The following PCDHGA1 variants were observed in gnomAD, a reference collection of about 807,000 sequenced individuals.
PCDHGA1 encodes protocadherin gamma subfamily A, 1.
In PCDHGA1, 32 loss-of-function variants were observed where a neutral mutation model predicts 58.0. The observed-to-expected ratio is 0.55, with a 90% CI of 0.42 to 0.74. The LOEUF is 0.74. Ranked by LOEUF, PCDHGA1 falls within the 30% of genes least tolerant of loss-of-function variation. PCDHGA1 has a pLI of 0.00. For missense variants in PCDHGA1, 1,205 were observed against 1,182.3 expected (o/e 1.02, Z -0.28); for synonymous variants, 498 against 501.1 (o/e 0.99, Z 0.08).
intron 1 of PCDHGA1, chr5:141,341,538 G>C (rs1757066708): frequency 6.8e-7 from 1 of 1,476,322 alleles, no homozygotes. Flanking sequence ...ATTATTTCTT[G>C]GTAGGTCTTA....
At chr5:141,398,867 A>G (rs375842913) in intron 1 of PCDHGA1, 18 of 1,613,862 alleles carry the variant, frequency 1.1e-5, no homozygotes, top group Non-Finnish European at 1.4e-5. Context: ...CGAGACGTGT[A>G]CAGAGTCAGC....
At chr5:141,502,499 C>A (rs552402476) in intron 2 of PCDHGA1, among the ~76,000 whole-genome samples, 12 of 152,122 alleles carry the variant, frequency 7.9e-5, no homozygotes, top group Non-Finnish European at 2.9e-5. Flanking sequence ...CATCTAACGT[C>A]GGCCTGTCCC....
chr5:141,486,337 C>T lies in PCDHGA1; in HGVS notation c.2422-8470C>T, dbSNP rs116799150. On this transcript the variant is annotated intron_variant, in intron 1 of 3. Coordinates refer to ENST00000517417, the MANE Select transcript of PCDHGA1 (RefSeq NM_018912.3). The surrounding 1 kb of genome is among the most constrained non-coding windows in gnomAD (Gnocchi z 5.0). ...GGTCAAACGGAGATGTGAGCCTCCG[C>T]ATTCCTGACCACTTGCCATTTGCCC... 1 of 1,614,076 alleles carries T rather than the reference C, an allele frequency of 6.2e-7. No homozygotes were observed. Among genetic ancestry groups the T allele is most frequent in the Non-Finnish European group, 8.5e-7 (1 of 1,179,966 alleles).
chr5:141,426,858 T>G (rs898486771), intron 1 of PCDHGA1: 13 of 456,574 alleles, frequency 2.8e-5, no homozygotes, highest in African/African-American at 8.0e-5. Context: ...CGCTCCAGAA[T>G]TAGTGCTGGA....
chr5:141,431,511 T>G lies in PCDHGA1; in HGVS notation c.2422-63296T>G, dbSNP rs1234369765. 6.2e-7 allele frequency: 1 copy of G among 1,614,018 alleles called. No individual in the cohort carries two copies. On this transcript the variant is annotated intron_variant, in intron 1 of 3. Transcript: ENST00000517417. The surrounding 1 kb of genome is among the most constrained non-coding windows in gnomAD (Gnocchi z 4.8). ...GCTCAGCCCGAGTACCGCGCGAGCGTTCCGGAGAATCTGGCCTTGGGCACG... is the reference window on the plus strand; with the variant it reads ...GCTCAGCCCGAGTACCGCGCGAGCGGTCCGGAGAATCTGGCCTTGGGCACG...
chr5:141,394,826 C>G, intron 1 of PCDHGA1: 1 of 1,613,882 alleles, frequency 6.2e-7, no homozygotes, highest in Non-Finnish European at 8.5e-7. Context: ...TCCCCGAAGT[C>G]CTGACCGAGT....
intron 1 of PCDHGA1, chr5:141,374,738 G>C (rs1454843423): frequency 4.3e-6 from 7 of 1,611,282 alleles, no homozygotes; most frequent in East Asian, 2.2e-5. Flanking sequence ...GGATGGCGGC[G>C]ACCCTGTCCG....
At chr5:141,365,829 C>A in intron 1 of PCDHGA1, 1 of 1,613,964 alleles carries the variant, frequency 6.2e-7, no homozygotes, top group Non-Finnish European at 8.5e-7. Flanking sequence ...CAGGGGGCGC[C>A]CTTGTCCTCC....
rs1335438500 is a variant in PCDHGA1 at position 141,355,543 on chromosome 5, A to T, written c.2421+22438A>T. On this transcript the variant is annotated intron_variant, in intron 1 of 3. Coordinates refer to ENST00000517417, the MANE Select transcript of PCDHGA1 (RefSeq NM_018912.3). ...GGAGATTCTTCTAGAAGATACAGTG[A>T]AGATTTTGCGGGTAGAGGTGGAAAT... is the stretch of plus-strand genomic sequence containing the variant. 5 of 1,613,942 alleles carry T rather than the reference A, an allele frequency of 3.1e-6. No individual in the cohort carries two copies. The East Asian group carries it at 6.7e-5, about 22-fold the overall frequency.
chr5:141,356,851 T>C, intron 1 of PCDHGA1: 5 of 1,614,208 alleles, frequency 3.1e-6, no homozygotes, highest in Non-Finnish European at 4.2e-6. Context: ...ACTGAGCCTC[T>C]TTGTGCTGGA....
At chr5:141,338,989 G>A in intron 1 of PCDHGA1, 1 of 1,544,254 alleles carries the variant, frequency 6.5e-7, no homozygotes, top group Non-Finnish European at 8.7e-7. Context: ...CTCTGCAAAA[G>A]TTGCCACACT....
intron 1 of PCDHGA1, chr5:141,339,937 G>C (rs139200458): frequency 1.2e-6 from 2 of 1,614,166 alleles, no homozygotes; most frequent in Non-Finnish European, 1.7e-6. Flanking sequence ...TTGAAGCTCA[G>C]GATGGTCCGG....
intron 1 of PCDHGA1, chr5:141,388,956 G>A (rs1010974359): frequency 1.9e-6 from 3 of 1,613,964 alleles, no homozygotes; most frequent in South Asian, 1.1e-5. Flanking sequence ...TATGGAGGAC[G>A]CCGAGCTGGG....
intron 1 of PCDHGA1, chr5:141,371,951 C>T: frequency 6.2e-7 from 1 of 1,613,306 alleles, no homozygotes; most frequent in Non-Finnish European, 8.5e-7. Context: ...CGCAGCGAGC[C>T]TTCGACCACG....
At chr5:141,388,083 C>G in intron 1 of PCDHGA1, 9 of 1,358,266 alleles carry the variant, frequency 6.6e-6, no homozygotes, top group Non-Finnish European at 9.1e-6. Context: ...TCGAAAACTG[C>G]GCGTCAGTTC....
intron 1 of PCDHGA1, chr5:141,409,940 C>T (rs1368587420): frequency 1.2e-5 from 19 of 1,613,118 alleles, no homozygotes; most frequent in Non-Finnish European, 1.6e-5. Context: ...TATGGTACCT[C>T]GCTCTGCAGA....
At chr5:141,361,413 C>CG (rs1007927822) in intron 1 of PCDHGA1, 1 of 1,614,020 alleles carries the variant, frequency 6.2e-7, no homozygotes. Context: ...CAGCCACCGA[C>CG]GGGGGCAAGC....
chr5:141,353,391 T>C (rs972720357), intron 1 of PCDHGA1, among the ~76,000 whole-genome samples: 7 of 152,358 alleles, frequency 4.6e-5, no homozygotes, highest in African/African-American at 1.4e-4. Context: ...TGTAATTATG[T>C]AATTAATGTA....
rs1298448753 is a variant in PCDHGA1 at position 141,486,417 on chromosome 5, G to A, written c.2422-8390G>A. 1 of 1,614,132 alleles carries A rather than the reference G, an allele frequency of 6.2e-7. No individual in the cohort carries two copies. Among genetic ancestry groups the A allele is most frequent in the Non-Finnish European group, 8.5e-7 (1 of 1,179,998 alleles). ...CTGGTGACTGCTGGACCCTTGGATC[G>A]AGAGGCCAAATCTAGCTATGACATC... On this transcript the variant is annotated intron_variant, in intron 1 of 3. Transcript: ENST00000517417. The surrounding 1 kb of genome is among the most constrained non-coding windows in gnomAD (Gnocchi z 5.0).
Sources: gnomAD v4.1 joint callset for allele counts (sites outside exome capture counted in the v4.1 genomes callset) on GRCh38, gnomAD v4.1.1 for gene constraint, Gnocchi (gnomAD v3.1) non-coding constraint, MANE v1.5 for transcripts, NCBI Gene and HGNC (gene_info 2026-07-23, HGNC 2026-07-21) for gene names.